WDFY4: variants seen among roughly 807,000 people sequenced by gnomAD.
The protein encoded by WDFY4 is WDFY family member 4, also known as WD repeat- and FYVE domain-containing protein 4.
In WDFY4, 169 loss-of-function variants were observed where a neutral mutation model predicts 351.9. That is an observed-to-expected ratio of 0.48 (90% CI 0.42 to 0.55). The LOEUF is 0.55. WDFY4 is among the 20% of genes least tolerant of loss of function. The probability of loss-of-function intolerance (pLI) is 0.00; values close to 1 mark genes in which losing one functional copy is unlikely to be tolerated. For synonymous variants in WDFY4, 1,622 were observed against 1,574.6 expected (o/e 1.03, Z -0.71); for missense variants, 3,803 against 3,935.6 (o/e 0.97, Z 0.90).
intron 51 of WDFY4, among the ~76,000 whole-genome samples, chr10:48,951,576 G>C (rs1841323063): frequency 6.6e-6 from 1 of 151,944 alleles, no homozygotes; most frequent in South Asian, 2.1e-4. Context: ...CACCACTCCT[G>C]GATAATTAAA....
chr10:48,832,953 A>G (rs1169555690), intron 39 of WDFY4, among the ~76,000 whole-genome samples: 1 of 152,222 alleles, frequency 6.6e-6, no homozygotes, highest in African/African-American at 2.4e-5. Context: ...ACTCAGCAGC[A>G]GCTAGGGGTG....
At chr10:48,690,844 A>G (rs1381817375) in intron 1 of WDFY4, among the ~76,000 whole-genome samples, 2 of 152,140 alleles carry the variant, frequency 1.3e-5, no homozygotes, top group Non-Finnish European at 2.9e-5. Context: ...CAACTGGGCC[A>G]TAGGTGGCCA....
intron 12 of WDFY4, among the ~76,000 whole-genome samples, chr10:48,753,708 G>T (rs1269643918): frequency 6.6e-6 from 1 of 152,110 alleles, no homozygotes; most frequent in Admixed American, 6.5e-5. Flanking sequence ...CTATTTCATT[G>T]ATCTCTATAT....
chr10:48,933,361 G>A (rs778639790), intron 47 of WDFY4, among the ~76,000 whole-genome samples: 44 of 152,328 alleles, frequency 2.9e-4, no homozygotes, highest in Non-Finnish European at 4.4e-4. Flanking sequence ...AGTCAAAGGC[G>A]CATGCCTCGA....
chr10:48,980,644 G>A (rs764641894), intron 60 of WDFY4, among the ~76,000 whole-genome samples: 2 of 152,148 alleles, frequency 1.3e-5, no homozygotes, highest in African/African-American at 4.8e-5. Flanking sequence ...GGTGTGCTTT[G>A]AGGTGGTTTC....
intron 47 of WDFY4, chr10:48,935,045 T>A (rs1007959046): frequency 1.8e-4 from 27 of 152,110 alleles, no homozygotes; most frequent in Admixed American, 1.4e-3. Flanking sequence ...TAAAGCATAC[T>A]GGGAAAACAG....
chr10:48,817,710 C>G (rs915175726), intron 32 of WDFY4, among the ~76,000 whole-genome samples: 1 of 152,204 alleles, frequency 6.6e-6, no homozygotes, highest in Non-Finnish European at 1.5e-5. Context: ...CAAGGGGAGA[C>G]AGTGACTCCC....
chr10:48,868,599 G>A (rs1332384164), intron 40 of WDFY4, among the ~76,000 whole-genome samples: 1 of 152,184 alleles, frequency 6.6e-6, no homozygotes, highest in Non-Finnish European at 1.5e-5. Flanking sequence ...ATTTCACTCA[G>A]GGATAGCAAT....
intron 12 of WDFY4, among the ~76,000 whole-genome samples, chr10:48,744,916 C>T (rs1057499952): frequency 6.6e-6 from 1 of 152,204 alleles, no homozygotes; most frequent in Non-Finnish European, 1.5e-5. Context: ...ACCTGTTTAC[C>T]TGTGTCTTCC....
intron 36 of WDFY4, among the ~76,000 whole-genome samples, 153 bp downstream of exon 36, chr10:48,827,062 T>C (rs558510726): frequency 6.6e-6 from 1 of 152,352 alleles, no homozygotes; most frequent in Admixed American, 6.5e-5. Flanking sequence ...TTTGATAACA[T>C]GGTAAGTAAT....
chr10:48,829,122 G>T (rs993000030), intron 37 of WDFY4, among the ~76,000 whole-genome samples: 5 of 152,096 alleles, frequency 3.3e-5, no homozygotes, highest in African/African-American at 1.2e-4. Context: ...ACACTGGATT[G>T]GTCTTTGTAT....
At chr10:48,872,289 G>A (rs1274051683) in intron 40 of WDFY4, among the ~76,000 whole-genome samples, 1 of 152,212 alleles carries the variant, frequency 6.6e-6, no homozygotes, top group Admixed American at 6.5e-5. Flanking sequence ...TAGCCCCTCA[G>A]CAAAGTAATC....
intron 27 of WDFY4, among the ~76,000 whole-genome samples, chr10:48,807,384 C>A (rs2132886284): frequency 6.6e-6 from 1 of 152,296 alleles, no homozygotes; most frequent in South Asian, 2.1e-4. Context: ...GCTCCATATA[C>A]CTCTGCTATG....
intron 61 of WDFY4, among the ~76,000 whole-genome samples, chr10:48,981,870 G>A (rs528511472): frequency 6.6e-6 from 1 of 152,320 alleles, no homozygotes; most frequent in Admixed American, 6.5e-5. Context: ...TGCCTTCTGA[G>A]GGCTCTTAGC....
intron 60 of WDFY4, among the ~76,000 whole-genome samples, chr10:48,980,795 G>C (rs567756015): frequency 6.6e-6 from 1 of 152,174 alleles, no homozygotes; most frequent in Admixed American, 6.5e-5. Flanking sequence ...CCCAGCTGGC[G>C]TCTCTCCATC....
intron 12 of WDFY4, among the ~76,000 whole-genome samples, chr10:48,758,501 T>C (rs1185900464): frequency 3.9e-5 from 6 of 152,190 alleles, no homozygotes; most frequent in Non-Finnish European, 5.9e-5. Context: ...CAAACGTTTT[T>C]TCTTTCATAC....
intron 54 of WDFY4, 37 bp from the exon 55 acceptor site, chr10:48,966,489 C>T: frequency 1.3e-6 from 2 of 1,532,092 alleles, no homozygotes; most frequent in Admixed American, 4.0e-5. Flanking sequence ...CTCTGGGCAT[C>T]TCTCCCCTCA....
chr10:48,934,569 A>C (rs530253703), intron 47 of WDFY4, among the ~76,000 whole-genome samples: 30 of 152,322 alleles, frequency 2.0e-4, no homozygotes, highest in Non-Finnish European at 3.5e-4. Flanking sequence ...GCAAAGCCCA[A>C]CTTAGCCTAG....
intron 38 of WDFY4, among the ~76,000 whole-genome samples, chr10:48,831,693 C>T (rs889362090): frequency 1.3e-5 from 2 of 152,156 alleles, no homozygotes; most frequent in Non-Finnish European, 2.9e-5. Flanking sequence ...TTTATTTGCT[C>T]AGTTCTGGAG....
Sources: gnomAD v4.1 joint callset for allele counts (sites outside exome capture counted in the v4.1 genomes callset) on GRCh38, gnomAD v4.1.1 for gene constraint, MANE v1.5 for transcripts, NCBI Gene and HGNC (gene_info 2026-07-23, HGNC 2026-07-21) for gene names.